Variants in IFT140 observed in about 807,000 individuals in gnomAD.
IFT140 encodes the protein intraflagellar transport 140.
In IFT140, 133 loss-of-function variants were observed where a neutral mutation model predicts 164.6. The observed-to-expected ratio is 0.81, with a 90% CI of 0.70 to 0.93. The LOEUF is 0.93. Among genes scored for constraint, IFT140 ranks in the 40% least tolerant of loss-of-function variants. IFT140 has a pLI of 0.00. For missense variants in IFT140, 2,045 were observed against 1,972.3 expected, an observed-to-expected ratio of 1.04 and a Z score of -0.70; for synonymous variants, 860 against 817.3, an observed-to-expected ratio of 1.05 and a Z score of -0.89.
intron 30 of IFT140, among the ~76,000 whole-genome samples, chr16:1,516,177 A>AAAAAAAAACC (rs1567318586): frequency 1.7e-5 from 2 of 115,160 alleles, no homozygotes. Flanking sequence ...AAAAAAAAAA[A>AAAAAAAAACC]ACACCAGAAA....
chr16:1,527,012 AG>A, intron 19 of IFT140: 1 of 551,598 alleles, frequency 1.8e-6, no homozygotes, highest in Non-Finnish European at 3.2e-6. Context: ...CCCAAGAGGC[AG>A]GGGCCGGGTC....
rs376647100 is a variant in IFT140 at position 1,524,004 on chromosome 16, C to T, written c.3142-48G>A. ...CTGAAGCGGCTCCCACTGGCTTCCC[C>T]AGGTCCGCTGAGATTCTGGAATGTG... On this transcript the variant is annotated intron_variant, in intron 24 of 30. Coordinates refer to ENST00000426508, the MANE Select transcript of IFT140 (RefSeq NM_014714.4). The T allele has an allele frequency of 3.1e-6, 5 of 1,591,804 alleles. No individual in the cohort carries two copies. In the Admixed American group the frequency reaches 8.6e-5, roughly 27 times the overall value.
chr16:1,586,384 C>A (rs1049264222), intron 9 of IFT140, 109 bp from the exon 10 acceptor site: 3 of 1,104,826 alleles, frequency 2.7e-6, no homozygotes, highest in Middle Eastern at 2.5e-4. Flanking sequence ...CTCGCCCAGT[C>A]TGGTGCCTCT....
Position 1,520,060 on chromosome 16 carries a change from A to G in IFT140, c.3874-13T>C. Reference sequence around the variant, plus strand: ...CATCAATCTCCACCTGTACAGATGAAACCCGTCAAGACCTGCCGGGCTCCA... The same window carrying G: ...CATCAATCTCCACCTGTACAGATGAGACCCGTCAAGACCTGCCGGGCTCCA... On this transcript the variant is annotated splice_polypyrimidine_tract_variant and intron_variant, in intron 28 of 30. Coordinates refer to ENST00000426508, the MANE Select transcript of IFT140 (RefSeq NM_014714.4). 1 of 1,605,860 alleles carries G rather than the reference A, an allele frequency of 6.2e-7. No individual in the cohort carries two copies. Among genetic ancestry groups the G allele is most frequent in the Non-Finnish European group, 8.5e-7 (1 of 1,174,920 alleles).
intron 29 of IFT140, 114 bp downstream of exon 29, chr16:1,519,767 A>C (rs1340462300): frequency 6.9e-6 from 7 of 1,016,444 alleles, no homozygotes; most frequent in Non-Finnish European, 6.9e-6. Flanking sequence ...GTGCTGTCCC[A>C]AGTGAGCTCC....
chr16:1,594,404 A>G (rs763346410), intron 4 of IFT140, among the ~76,000 whole-genome samples: 2 of 151,940 alleles, frequency 1.3e-5, no homozygotes, highest in Admixed American at 6.6e-5. Flanking sequence ...TATTTTCTGT[A>G]CAGATGGGGT....
In IFT140 at chr16:1,526,609, C is replaced by T. The variant is rs763509815; in HGVS notation, c.2577+10G>A. Reference sequence around the variant, plus strand: ...GCCTTCCCACCCACCCCATGGCGGGCGCCCCTCACCAGCATGCCCAGCTGC... The same window carrying T: ...GCCTTCCCACCCACCCCATGGCGGGTGCCCCTCACCAGCATGCCCAGCTGC... On this transcript the variant is annotated intron_variant, in intron 20 of 30. Coordinates refer to ENST00000426508, the MANE Select transcript of IFT140 (RefSeq NM_014714.4). 30 of 1,513,916 alleles carry T rather than the reference C, an allele frequency of 2.0e-5. No individual in the cohort carries two copies. Among genetic ancestry groups the T allele is most frequent in the Middle Eastern group, 2.2e-4 (1 of 4,502 alleles). The allele number at this position is 1,513,916 out of a possible 1,614,324, so 93.8% of individuals were successfully genotyped here.
chr16:1,545,688 A>C (rs1391022466), intron 19 of IFT140, among the ~76,000 whole-genome samples: 2 of 152,200 alleles, frequency 1.3e-5, no homozygotes, highest in Non-Finnish European at 2.9e-5. Flanking sequence ...TGCTCATGAA[A>C]GGAGGAAAAG....
chr16:1,539,798 C>T (rs1450373269), intron 19 of IFT140, among the ~76,000 whole-genome samples: 1 of 152,184 alleles, frequency 6.6e-6, no homozygotes, highest in Non-Finnish European at 1.5e-5. Context: ...CTCCGCTCTC[C>T]CCCTTGCCAG....
intron 26 of IFT140, among the ~76,000 whole-genome samples, 153 bp from the exon 27 acceptor site, chr16:1,520,961 C>A (rs1288918854): frequency 6.6e-6 from 1 of 152,200 alleles, no homozygotes; most frequent in Non-Finnish European, 1.5e-5. Context: ...AAGGATGTCT[C>A]CCCTGCCTCA....
At position 1,519,155 on chromosome 16, in the gene IFT140, G is replaced by A. The variant is rs548092505; in HGVS notation, c.4040+726C>T. On this transcript the variant is annotated intron_variant, in intron 29 of 30. Coordinates refer to ENST00000426508, the MANE Select transcript of IFT140 (RefSeq NM_014714.4). ...TGTGAGACGCTGATACCCCAGAATCGACACGTGCAGGTGGACCGTGCCCTT... is the reference window on the plus strand; with the variant it reads ...TGTGAGACGCTGATACCCCAGAATCAACACGTGCAGGTGGACCGTGCCCTT... Among the ~76,000 whole-genome samples, 17 of 152,326 alleles carry A rather than the reference G, an allele frequency of 1.1e-4. No homozygotes were observed. In the South Asian group the frequency reaches 2.9e-3, roughly 26 times the overall value.
At chr16:1,562,845 G>A (rs1947236134) in intron 17 of IFT140, among the ~76,000 whole-genome samples, 1 of 152,142 alleles carries the variant, frequency 6.6e-6, no homozygotes, top group African/African-American at 2.4e-5. Context: ...TCAAGGAACA[G>A]GGAACACGCA....
At chr16:1,608,005 A>G (rs1163047558) in intron 2 of IFT140, among the ~76,000 whole-genome samples, 1 of 152,236 alleles carries the variant, frequency 6.6e-6, no homozygotes, top group Admixed American at 6.5e-5. Context: ...TGGTACAGAA[A>G]AAAAACCAGT....
At chr16:1,528,486 T>C (rs1173816648) in intron 19 of IFT140, among the ~76,000 whole-genome samples, 3 of 149,172 alleles carry the variant, frequency 2.0e-5, no homozygotes, top group African/African-American at 7.5e-5. Flanking sequence ...CACAAGCACA[T>C]GCACTCACAT....
intron 19 of IFT140, among the ~76,000 whole-genome samples, chr16:1,539,520 C>A (rs1269966577): frequency 6.6e-6 from 1 of 152,270 alleles, no homozygotes; most frequent in East Asian, 1.9e-4. Context: ...CCAGGCTTTC[C>A]CGCTGTCCGT....
chr16:1,554,763 A>G, intron 19 of IFT140: 1 of 1,613,056 alleles, frequency 6.2e-7, no homozygotes, highest in Non-Finnish European at 8.5e-7. Flanking sequence ...AGGCCTCTCA[A>G]CCCTTCTCTC....
chr16:1,600,837 TGA>T (rs1596458756), intron 4 of IFT140, among the ~76,000 whole-genome samples: 1 of 150,216 alleles, frequency 6.7e-6, no homozygotes, highest in Non-Finnish European at 1.5e-5. Flanking sequence ...CCAACTTGAG[TGA>T]GAGTCTATAA....
chr16:1,523,369 T>C (rs974222211), intron 26 of IFT140, 149 bp downstream of exon 26: 9 of 739,212 alleles, frequency 1.2e-5, no homozygotes, highest in African/African-American at 8.8e-5. Context: ...GGGTGTGCCG[T>C]ATGTGAAACC....
At chr16:1,549,653 A>C in intron 19 of IFT140, among the ~76,000 whole-genome samples, 1 of 151,876 alleles carries the variant, frequency 6.6e-6, no homozygotes, top group East Asian at 1.9e-4. Flanking sequence ...GCTGGTCTCA[A>C]ACTCCTGACC....
Sources: gnomAD v4.1 joint callset for allele counts (sites outside exome capture counted in the v4.1 genomes callset) on GRCh38, gnomAD v4.1.1 for gene constraint, MANE v1.5 for transcripts, NCBI Gene and HGNC (gene_info 2026-07-23, HGNC 2026-07-21) for gene names.